Variants in CNTN1 observed in about 807,000 individuals in gnomAD.
CNTN1 encodes contactin 1, also known as contactin-1.
Under a neutral mutation model 126.4 loss-of-function variants are expected in CNTN1, and 38 were observed. That is an observed-to-expected ratio of 0.30 (90% CI 0.23 to 0.39). The LOEUF (loss-of-function observed/expected upper bound fraction) is 0.39, where lower values mean the gene tolerates loss of function less well. CNTN1 is among the 10% of genes least tolerant of loss of function. The pLI is 1.00. For synonymous variants in CNTN1, 413 were observed against 422.6 expected (o/e 0.98, Z 0.28); for missense variants, 1,009 against 1,248.4 (o/e 0.81, Z 2.89).
chr12:40,716,176 T>G (rs1192008634), intron 1 of CNTN1, among the ~76,000 whole-genome samples: 8 of 151,928 alleles, frequency 5.3e-5, no homozygotes, highest in African/African-American at 1.9e-4. Context: ...AATGAGGGAC[T>G]GGCCCCAGCA....
intron 15 of CNTN1, among the ~76,000 whole-genome samples, chr12:40,975,738 C>A (rs1213566370): frequency 1.3e-5 from 2 of 151,594 alleles, no homozygotes; most frequent in East Asian, 1.9e-4. Context: ...GAAAGGTAGC[C>A]CAAAGAAGGG....
chr12:40,902,017 G>T (rs1944626082), intron 1 of CNTN1, among the ~76,000 whole-genome samples: 1 of 152,134 alleles, frequency 6.6e-6, no homozygotes, highest in Admixed American at 6.6e-5. Flanking sequence ...AAATTAACTG[G>T]AGAGAGATAA....
intron 1 of CNTN1, among the ~76,000 whole-genome samples, chr12:40,892,587 AAATAGTACCTGACTTAGTTAAGATATTGT>A (rs1486410247): frequency 3.3e-4 from 50 of 152,114 alleles, no homozygotes; most frequent in African/African-American, 1.2e-3. Flanking sequence ...GGCATATCGG[AAATAGTACCTGACTTAGTTAAGATATTGT>A]GCTTCGACAG....
chr12:40,929,030 T>TG (rs1206683451), intron 6 of CNTN1, among the ~76,000 whole-genome samples: 5 of 151,974 alleles, frequency 3.3e-5, no homozygotes, highest in African/African-American at 9.7e-5. Context: ...CCTAAAGGTA[T>TG]GCATTGCCCA....
intron 1 of CNTN1, among the ~76,000 whole-genome samples, chr12:40,735,723 C>G (rs570339322): frequency 6.6e-6 from 1 of 152,042 alleles, no homozygotes; most frequent in Admixed American, 6.6e-5. Flanking sequence ...ATCAAATCAG[C>G]GTGCAGGAAG....
chr12:40,794,284 T>A (rs1940328022), intron 1 of CNTN1, among the ~76,000 whole-genome samples: 1 of 152,074 alleles, frequency 6.6e-6, no homozygotes, highest in African/African-American at 2.4e-5. Flanking sequence ...GGCCAGTTTG[T>A]TTTTATATAT....
At chr12:40,955,702 C>T (rs542494424) in intron 14 of CNTN1, among the ~76,000 whole-genome samples, 4 of 151,968 alleles carry the variant, frequency 2.6e-5, no homozygotes, top group Non-Finnish European at 4.4e-5. Context: ...CTGGTTCTTT[C>T]CTTAAGGAAT....
intron 17 of CNTN1, among the ~76,000 whole-genome samples, chr12:41,006,022 C>T (rs1478505742): frequency 6.6e-6 from 1 of 152,194 alleles, no homozygotes; most frequent in Non-Finnish European, 1.5e-5. Context: ...TAAGCCTTCT[C>T]AGAGGATTCT....
intron 1 of CNTN1, among the ~76,000 whole-genome samples, chr12:40,722,317 A>G (rs576479406): frequency 2.6e-5 from 4 of 152,322 alleles, no homozygotes; most frequent in African/African-American, 7.2e-5. Context: ...TATTCACAAT[A>G]TTCAGTTTTT....
rs1486863113 is a variant in CNTN1, at chr12:41,071,648, A to G, written c.*1613A>G. On this transcript the variant is annotated 3_prime_UTR_variant, in exon 24 of 24. Transcript: ENST00000551295. ...ATCAATAAATATTTCATTAGTTTACATTTAACTCTGGTATAAAATGAAACT... is the reference window on the plus strand; with the variant it reads ...ATCAATAAATATTTCATTAGTTTACGTTTAACTCTGGTATAAAATGAAACT... The G allele has an allele frequency of 6.6e-6, 1 of 152,190 alleles. No homozygotes were observed. The highest frequency in any genetic ancestry group is 2.4e-5 in the African/African-American group (1 of 41,454). 9.4% of individuals were successfully genotyped at this position (152,190 alleles called of 1,614,324 possible).
chr12:40,925,832 A>ATGTG (rs1194013333), intron 6 of CNTN1, among the ~76,000 whole-genome samples: 2 of 76,354 alleles, frequency 2.6e-5, no homozygotes, highest in East Asian at 5.8e-4. Context: ...ATATATATGT[A>ATGTG]TGTGTGTGTG....
chr12:40,819,708 C>A (rs66467974), intron 1 of CNTN1, among the ~76,000 whole-genome samples: 8 of 152,170 alleles, frequency 5.3e-5, no homozygotes, highest in South Asian at 2.1e-4. Flanking sequence ...GCCCCTCCCC[C>A]CTGGAGTTCA....
At chr12:40,998,174 A>G (rs968693265) in intron 17 of CNTN1, among the ~76,000 whole-genome samples, 2 of 152,202 alleles carry the variant, frequency 1.3e-5, no homozygotes, top group Non-Finnish European at 2.9e-5. Context: ...CAAGTTTAAC[A>G]TATACATTCG....
chr12:40,997,599 G>A (rs903040447), intron 17 of CNTN1, among the ~76,000 whole-genome samples: 8 of 152,154 alleles, frequency 5.3e-5, no homozygotes, highest in Non-Finnish European at 1.5e-5. Flanking sequence ...AAGCAAAGAG[G>A]ATAGATTTTT....
At chr12:40,704,963 G>C (rs138967838) in intron 1 of CNTN1, among the ~76,000 whole-genome samples, 1 of 152,094 alleles carries the variant, frequency 6.6e-6, no homozygotes, top group South Asian at 2.1e-4. Context: ...CATGTGAAAA[G>C]CTTATCCTTG....
chr12:40,814,021 T>A (rs1941177148), intron 1 of CNTN1, among the ~76,000 whole-genome samples: 1 of 152,210 alleles, frequency 6.6e-6, no homozygotes, highest in Admixed American at 6.5e-5. Context: ...TTCATATCAT[T>A]TGCCCACTTT....
intron 1 of CNTN1, among the ~76,000 whole-genome samples, chr12:40,703,334 A>G (rs896004060): frequency 1.3e-5 from 2 of 152,176 alleles, no homozygotes; most frequent in African/African-American, 4.8e-5. Context: ...GATTTGTAAA[A>G]ACATTTCAGT....
chr12:40,900,351 G>A (rs1328425173), intron 1 of CNTN1, among the ~76,000 whole-genome samples: 2 of 152,148 alleles, frequency 1.3e-5, no homozygotes, highest in Admixed American at 6.5e-5. Flanking sequence ...ACAGCCACAC[G>A]TATTCCCTGG....
chr12:41,027,998 T>C, intron 22 of CNTN1, 29 bp downstream of exon 22: 2 of 1,440,496 alleles, frequency 1.4e-6, no homozygotes, highest in Non-Finnish European at 2.0e-6. Context: ...GATTAATGTT[T>C]GCAATTCTTG....
Sources: gnomAD v4.1 joint callset for allele counts (sites outside exome capture counted in the v4.1 genomes callset) on GRCh38, gnomAD v4.1.1 for gene constraint, MANE v1.5 for transcripts, NCBI Gene and HGNC (gene_info 2026-07-23, HGNC 2026-07-21) for gene names.